The following SPOCK1 variants were observed in gnomAD, a reference collection of about 807,000 sequenced individuals.
SPOCK1 encodes the protein SPARC (osteonectin), cwcv and kazal like domains proteoglycan 1.
A neutral mutation model predicts 55.3 loss-of-function variants in SPOCK1; 23 were observed. The observed-to-expected ratio is 0.42, with a 90% CI of 0.30 to 0.59. SPOCK1 has a LOEUF of 0.59. Among genes scored for constraint, SPOCK1 ranks in the 20% least tolerant of loss-of-function variants. The probability of loss-of-function intolerance (pLI) is 0.22; values close to 1 mark genes in which losing one functional copy is unlikely to be tolerated. For synonymous variants in SPOCK1, 226 were observed against 221.0 expected, an observed-to-expected ratio of 1.02 and a Z score of -0.20; for missense variants, 499 against 552.5, an observed-to-expected ratio of 0.90 and a Z score of 0.97.
chr5:137,105,539 A>C (rs182760158), intron 5 of SPOCK1, among the ~76,000 whole-genome samples: 1 of 152,182 alleles, frequency 6.6e-6, no homozygotes, highest in Non-Finnish European at 1.5e-5. Flanking sequence ...ATTTGCTCCG[A>C]CCCTGAGAAT....
chr5:137,310,229 A>C (rs556779628), intron 2 of SPOCK1, among the ~76,000 whole-genome samples: 12 of 152,042 alleles, frequency 7.9e-5, no homozygotes, highest in Non-Finnish European at 1.5e-4. Context: ...AAAGTGCTTA[A>C]CACAGCTCCC....
At position 137,024,316 on chromosome 5, in the gene SPOCK1, G is replaced by GCGGGGT. The variant is rs72180461; in HGVS notation, c.590-31717_590-31716insACCCCG. On this transcript the variant is annotated intron_variant, in intron 6 of 10. Transcript: ENST00000394945. ...AGCACTAAATTGCACCAGTTTGAAG[G>GCGGGGT]GGGGGGGGTAGTTACAACTGACTGC... Among the ~76,000 whole-genome samples, 4 of 139,954 alleles carry GCGGGGT rather than the reference G, an allele frequency of 2.9e-5. 1 individual carries two copies. Among genetic ancestry groups the GCGGGGT allele is most frequent in the Non-Finnish European group, 6.2e-5 (4 of 64,954 alleles). 91.8% of individuals were successfully genotyped at this position (139,954 alleles called of 152,430 possible).
chr5:137,268,712 C>T lies in SPOCK1; in HGVS notation c.187-1657G>A, dbSNP rs979745177. Among the ~76,000 whole-genome samples, 7 of 127,802 alleles carry T rather than the reference C, an allele frequency of 5.5e-5. No homozygotes were observed. The South Asian group carries it at 7.0e-4, about 13-fold the overall frequency. The allele number at this position is 127,802 out of a possible 152,430, so 83.8% of individuals were successfully genotyped here. On this transcript the variant is annotated intron_variant, in intron 2 of 10. Coordinates refer to ENST00000394945, the MANE Select transcript of SPOCK1 (RefSeq NM_004598.4). ...AGATAACCCAAGATGAACTCATTCT[C>T]ACAAGTGGAGAAAAAAAGGATCAAC...
intron 2 of SPOCK1, among the ~76,000 whole-genome samples, chr5:137,323,146 A>C (rs1050698896): frequency 6.6e-6 from 1 of 152,230 alleles, no homozygotes; most frequent in Non-Finnish European, 1.5e-5. Flanking sequence ...AACATATTCA[A>C]GCCATAGCAA....
At chr5:137,399,563 C>T (rs958568952) in intron 2 of SPOCK1, among the ~76,000 whole-genome samples, 1 of 151,336 alleles carries the variant, frequency 6.6e-6, no homozygotes, top group Non-Finnish European at 1.5e-5. Context: ...TCATCGAAAA[C>T]ATTTATTCCA....
chr5:137,035,021 T>C (rs987392630), intron 6 of SPOCK1, among the ~76,000 whole-genome samples: 3 of 152,182 alleles, frequency 2.0e-5, no homozygotes, highest in African/African-American at 4.8e-5. Flanking sequence ...GGGTTGGCTG[T>C]GGCTGAGTTC....
At chr5:137,393,858 G>A (rs1312712646) in intron 2 of SPOCK1, among the ~76,000 whole-genome samples, 4 of 152,196 alleles carry the variant, frequency 2.6e-5, no homozygotes, top group Admixed American at 2.6e-4. Flanking sequence ...CCATGAAAGT[G>A]CATGCATCCA....
intron 3 of SPOCK1, among the ~76,000 whole-genome samples, chr5:137,164,962 C>A (rs1031564805): frequency 6.6e-6 from 1 of 152,114 alleles, no homozygotes; most frequent in Non-Finnish European, 1.5e-5. Context: ...CCAGATGGCA[C>A]CTCTGGACCT....
intron 4 of SPOCK1, among the ~76,000 whole-genome samples, chr5:137,132,578 C>T (rs1468330841): frequency 6.6e-6 from 1 of 152,198 alleles, no homozygotes; most frequent in African/African-American, 2.4e-5. Context: ...AGCAGGAAAT[C>T]GGAGGGCATT....
At chr5:137,423,266 C>G (rs1752540709) in intron 2 of SPOCK1, among the ~76,000 whole-genome samples, 1 of 152,190 alleles carries the variant, frequency 6.6e-6, no homozygotes, top group Non-Finnish European at 1.5e-5. Flanking sequence ...TGTCTGTTCT[C>G]AGATCTCCAG....
intron 2 of SPOCK1, among the ~76,000 whole-genome samples, chr5:137,481,250 G>A (rs1262455892): frequency 6.6e-6 from 1 of 152,122 alleles, no homozygotes; most frequent in Non-Finnish European, 1.5e-5. Context: ...AGGCTCCCCT[G>A]GTGTCCTATG....
chr5:137,345,054 T>C (rs543189511), intron 2 of SPOCK1, among the ~76,000 whole-genome samples: 5 of 152,148 alleles, frequency 3.3e-5, no homozygotes, highest in Non-Finnish European at 7.4e-5. Context: ...GGACTAAATA[T>C]AGAAAGTGAA....
chr5:137,240,131 A>T (rs1307789053), intron 3 of SPOCK1, among the ~76,000 whole-genome samples: 1 of 152,248 alleles, frequency 6.6e-6, no homozygotes, highest in East Asian at 1.9e-4. Flanking sequence ...ATAAAACTTT[A>T]AAACTCTTCT....
chr5:137,284,123 A>G (rs1476921798), intron 2 of SPOCK1, among the ~76,000 whole-genome samples: 1 of 152,242 alleles, frequency 6.6e-6, no homozygotes, highest in Non-Finnish European at 1.5e-5. Flanking sequence ...ACTATGGCTC[A>G]GAGAAGTTAA....
rs78225759 is a variant in SPOCK1 at position 137,303,928 on chromosome 5, C to T, written c.187-36873G>A. ...CTGTCCTTCTCCTTGTGCCAGGAAC[C>T]GGTTTGGAAAGCCATCCCCCTTAGG... On this transcript the variant is annotated intron_variant, in intron 2 of 10. Transcript: ENST00000394945. Among the ~76,000 whole-genome samples the T allele has an allele frequency of 2.3e-3, 357 of 152,250 alleles. 15 individuals carry two copies. In the East Asian group the frequency reaches 0.06, roughly 26 times the overall value.
chr5:137,039,639 A>T (rs1324564281), intron 6 of SPOCK1, among the ~76,000 whole-genome samples: 1 of 152,234 alleles, frequency 6.6e-6, no homozygotes, highest in Non-Finnish European at 1.5e-5. Context: ...CACCATCAGT[A>T]GGAAAGGCTT....
intron 4 of SPOCK1, among the ~76,000 whole-genome samples, chr5:137,123,094 T>C (rs1228116718): frequency 6.6e-6 from 1 of 152,028 alleles, no homozygotes; most frequent in Non-Finnish European, 1.5e-5. Flanking sequence ...CCATAAGACA[T>C]TAGTGGTGGG....
chr5:137,223,368 T>C (rs927398756), intron 3 of SPOCK1, among the ~76,000 whole-genome samples: 9 of 151,944 alleles, frequency 5.9e-5, no homozygotes, highest in Admixed American at 1.3e-4. Context: ...TGGGGGATTG[T>C]CTGTTCTCTA....
At chr5:136,991,977 GA>G (rs1388552345) in intron 7 of SPOCK1, among the ~76,000 whole-genome samples, 2 of 152,174 alleles carry the variant, frequency 1.3e-5, no homozygotes, top group South Asian at 4.1e-4. Flanking sequence ...TGTACAAAAA[GA>G]CATAGCACCA....
Sources: gnomAD v4.1 joint callset for allele counts (sites outside exome capture counted in the v4.1 genomes callset) on GRCh38, gnomAD v4.1.1 for gene constraint, MANE v1.5 for transcripts, NCBI Gene and HGNC (gene_info 2026-07-23, HGNC 2026-07-21) for gene names.